DLGAP1: variants seen among roughly 807,000 people sequenced by gnomAD.
DLGAP1 encodes disks large-associated protein 1.
A neutral mutation model predicts 90.8 loss-of-function variants in DLGAP1; 11 were observed. The observed-to-expected ratio is 0.12, with a 90% CI of 0.08 to 0.20. DLGAP1 has a LOEUF of 0.20. Ranked by LOEUF, DLGAP1 falls within the 10% of genes least tolerant of loss-of-function variation. DLGAP1 has a pLI of 1.00. For synonymous variants in DLGAP1, 558 were observed against 540.7 expected (o/e 1.03, Z -0.44); for missense variants, 1,050 against 1,333.8 (o/e 0.79, Z 3.31).
At chr18:4,451,210 A>G (rs902629499) in intron 1 of DLGAP1, among the ~76,000 whole-genome samples, 2 of 152,204 alleles carry the variant, frequency 1.3e-5, no homozygotes, top group Non-Finnish European at 2.9e-5. Context: ...CTCCTGTGCA[A>G]TACCAACCTC....
chr18:4,420,689 T>C (rs1229475185), intron 1 of DLGAP1, among the ~76,000 whole-genome samples: 1 of 152,174 alleles, frequency 6.6e-6, no homozygotes, highest in Non-Finnish European at 1.5e-5. Context: ...ATCACACTAC[T>C]GGACTGTAGA....
chr18:3,939,880 T>C (rs1041262222), intron 3 of DLGAP1, among the ~76,000 whole-genome samples: 1 of 152,204 alleles, frequency 6.6e-6, no homozygotes, highest in African/African-American at 2.4e-5. Context: ...GGACATGTAA[T>C]TTATAAAATC....
At chr18:3,712,742 A>T (rs147692985) in intron 7 of DLGAP1, among the ~76,000 whole-genome samples, 193 of 152,286 alleles carry the variant, frequency 1.3e-3, no homozygotes, top group African/African-American at 4.4e-3. Context: ...CACAGTGCAT[A>T]TGGGAAAATG....
chr18:3,596,887 C>A (rs780597057), intron 7 of DLGAP1: 1 of 519,898 alleles, frequency 1.9e-6, no homozygotes, highest in African/African-American at 1.9e-5. Flanking sequence ...TGGCCAATGC[C>A]GCCAGCATGA....
intron 2 of DLGAP1, among the ~76,000 whole-genome samples, chr18:4,079,478 A>AAGC (rs1037133484): frequency 2.0e-5 from 3 of 151,992 alleles, no homozygotes; most frequent in Non-Finnish European, 2.9e-5. Context: ...AGTAGGAGCT[A>AAGC]AGCTATGGGT....
rs76027551 is a variant in DLGAP1 at position 3,796,618 on chromosome 18, C to T, written c.1172+17441G>A. On this transcript the variant is annotated intron_variant, in intron 5 of 12. Coordinates refer to ENST00000315677, the MANE Select transcript of DLGAP1 (RefSeq NM_004746.4). ...AGGAAGCAGACACGTAAGGTGAGCTCGATCCACGAATATGCTCTAGACCTG... is the reference window on the plus strand; with the variant it reads ...AGGAAGCAGACACGTAAGGTGAGCTTGATCCACGAATATGCTCTAGACCTG... Among the ~76,000 whole-genome samples, 888 of 152,256 alleles carry T rather than the reference C, an allele frequency of 5.8e-3. 12 individuals are homozygous for T. Among genetic ancestry groups the T allele is most frequent in the East Asian group, 0.057 (297 of 5,168 alleles).
intron 7 of DLGAP1, among the ~76,000 whole-genome samples, chr18:3,670,606 TCTCTAAGC>T (rs59116616): frequency 0.12 from 17,616 of 152,178 alleles, 2,032 homozygotes; most frequent in African/African-American, 0.3. Flanking sequence ...TGGTGATTAT[TCTCTAAGC>T]CTAAAGTGAA....
chr18:4,224,007 A>AG (rs2078133962), intron 1 of DLGAP1, among the ~76,000 whole-genome samples: 1 of 152,230 alleles, frequency 6.6e-6, no homozygotes, highest in Non-Finnish European at 1.5e-5. Context: ...AATGAGAATG[A>AG]GCATAGAACA....
At chr18:4,115,336 G>GT (rs34812405) in intron 2 of DLGAP1, among the ~76,000 whole-genome samples, 4,043 of 145,476 alleles carry the variant, frequency 0.028, 118 homozygotes, top group African/African-American at 0.073. Flanking sequence ...ATAATCTTAT[G>GT]TTTTTTTTTT....
intron 3 of DLGAP1, among the ~76,000 whole-genome samples, chr18:3,908,090 T>C (rs1303953496): frequency 6.6e-6 from 1 of 152,224 alleles, no homozygotes; most frequent in East Asian, 1.9e-4. Context: ...ATTTTTGGCA[T>C]AGGAAAGCAA....
chr18:4,316,886 A>AT (rs2080542604), intron 1 of DLGAP1, among the ~76,000 whole-genome samples: 1 of 151,968 alleles, frequency 6.6e-6, no homozygotes. Context: ...CTTATTTAGG[A>AT]TAGGGACATC....
At chr18:4,401,752 AT>A (rs2082559495) in intron 1 of DLGAP1, among the ~76,000 whole-genome samples, 1 of 152,222 alleles carries the variant, frequency 6.6e-6, no homozygotes, top group African/African-American at 2.4e-5. Flanking sequence ...TAAACTTGGT[AT>A]TACAATAATG....
At chr18:4,346,741 C>T (rs2081308553) in intron 1 of DLGAP1, among the ~76,000 whole-genome samples, 1 of 152,048 alleles carries the variant, frequency 6.6e-6, no homozygotes, top group Non-Finnish European at 1.5e-5. Context: ...GATACAATAG[C>T]ATTGCATTAT....
At chr18:3,870,019 C>A (rs2070645704) in intron 4 of DLGAP1, among the ~76,000 whole-genome samples, 1 of 152,188 alleles carries the variant, frequency 6.6e-6, no homozygotes, top group Non-Finnish European at 1.5e-5. Flanking sequence ...AGCTTGCAGT[C>A]AGAGCGCCTG....
intron 1 of DLGAP1, among the ~76,000 whole-genome samples, chr18:4,442,633 C>T (rs2083563449): frequency 6.6e-6 from 1 of 152,096 alleles, no homozygotes; most frequent in Non-Finnish European, 1.5e-5. Flanking sequence ...AAAGTAGCTT[C>T]ACACCTCTTT....
chr18:3,829,252 T>G (rs75487545), intron 4 of DLGAP1, among the ~76,000 whole-genome samples: 1 of 152,318 alleles, frequency 6.6e-6, no homozygotes, highest in East Asian at 1.9e-4. Context: ...ACTATAAAGA[T>G]AGAGATGATA....
intron 3 of DLGAP1, among the ~76,000 whole-genome samples, chr18:3,905,016 C>G (rs1377593141): frequency 6.6e-6 from 1 of 151,002 alleles, no homozygotes; most frequent in Non-Finnish European, 1.5e-5. Flanking sequence ...ATATCTATTC[C>G]ATTTTCTCTA....
intron 1 of DLGAP1, among the ~76,000 whole-genome samples, chr18:4,361,719 A>G (rs2081633918): frequency 6.6e-6 from 1 of 152,224 alleles, no homozygotes; most frequent in African/African-American, 2.4e-5. Context: ...CAAAAGGCAC[A>G]GGCAACAAAA....
At chr18:3,999,885 C>T (rs1032968220) in intron 3 of DLGAP1, among the ~76,000 whole-genome samples, 3 of 152,196 alleles carry the variant, frequency 2.0e-5, no homozygotes, top group African/African-American at 7.2e-5. Flanking sequence ...CATCATAGCT[C>T]CTTGCAACCT....
Sources: allele counts gnomAD v4.1 joint callset (sites outside exome capture counted in the v4.1 genomes callset), GRCh38; gene constraint gnomAD v4.1.1; transcripts MANE v1.5; gene names NCBI Gene and HGNC (gene_info 2026-07-23, HGNC 2026-07-21).